SCAPER: variants seen among roughly 807,000 people sequenced by gnomAD.
The protein encoded by SCAPER is S phase cyclin A-associated protein in the endoplasmic reticulum.
A neutral mutation model predicts 182.2 loss-of-function variants in SCAPER; 98 were observed. That is an observed-to-expected ratio of 0.54 (90% confidence interval 0.46 to 0.64). SCAPER has a LOEUF of 0.64. Ranked by LOEUF, SCAPER falls within the 30% of genes least tolerant of loss-of-function variation. SCAPER has a pLI of 0.00. For synonymous variants in SCAPER, 605 were observed against 564.6 expected, an observed-to-expected ratio of 1.07 and a Z score of -1.01; for missense variants, 1,432 against 1,690.0, an observed-to-expected ratio of 0.85 and a Z score of 2.68.
chr15:76,438,843 A>C (rs1252142627), intron 25 of SCAPER, among the ~76,000 whole-genome samples: 1 of 152,094 alleles, frequency 6.6e-6, no homozygotes, highest in East Asian at 1.9e-4. Flanking sequence ...TGGCCCTTTC[A>C]TTGTTAAAAA....
chr15:76,456,421 G>A (rs1173167287), intron 25 of SCAPER, among the ~76,000 whole-genome samples: 1 of 152,036 alleles, frequency 6.6e-6, no homozygotes, highest in Admixed American at 6.5e-5. Flanking sequence ...ACATAATATT[G>A]AGTTCTAACT....
At chr15:76,710,666 G>C (rs2059512891) in intron 17 of SCAPER, among the ~76,000 whole-genome samples, 1 of 152,102 alleles carries the variant, frequency 6.6e-6, no homozygotes, top group African/African-American at 2.4e-5. Flanking sequence ...TTCATGGATT[G>C]TAATATAAAA....
intron 23 of SCAPER, among the ~76,000 whole-genome samples, chr15:76,538,330 T>G (rs1300740951): frequency 6.7e-6 from 1 of 148,848 alleles, no homozygotes; most frequent in Non-Finnish European, 1.5e-5. Flanking sequence ...TGTCCAACAA[T>G]GATAGACTGG....
chr15:76,714,525 A>AGTAGTAGTG (rs1201345627), intron 17 of SCAPER, among the ~76,000 whole-genome samples: 12 of 137,692 alleles, frequency 8.7e-5, no homozygotes, highest in African/African-American at 3.0e-4. Flanking sequence ...CCATTCTAGT[A>AGTAGTAGTG]GTAGTAGTGG....
intron 25 of SCAPER, among the ~76,000 whole-genome samples, chr15:76,457,860 G>A (rs924124777): frequency 3.3e-5 from 5 of 151,814 alleles, no homozygotes; most frequent in Non-Finnish European, 7.4e-5. Context: ...TGTTTCCACT[G>A]CTCTTTATCA....
At chr15:76,638,119 T>C (rs1485055877) in intron 21 of SCAPER, among the ~76,000 whole-genome samples, 1 of 152,144 alleles carries the variant, frequency 6.6e-6, no homozygotes, top group Non-Finnish European at 1.5e-5. Flanking sequence ...CTTGATGGGA[T>C]CTTTTGAAGC....
chr15:76,494,039 T>G (rs2143457624), intron 24 of SCAPER, among the ~76,000 whole-genome samples: 1 of 152,336 alleles, frequency 6.6e-6, no homozygotes, highest in East Asian at 1.9e-4. Context: ...AAATAAGTGT[T>G]TATTAACAAT....
At chr15:76,384,791 T>A (rs909960944) in intron 27 of SCAPER, among the ~76,000 whole-genome samples, 4 of 152,226 alleles carry the variant, frequency 2.6e-5, no homozygotes, top group Non-Finnish European at 5.9e-5. Flanking sequence ...AGAGAATGTT[T>A]ACTTTTGATT....
intron 14 of SCAPER, 121 bp from the exon 15 acceptor site, chr15:76,754,069 G>T: frequency 9.4e-7 from 1 of 1,061,500 alleles, no homozygotes; most frequent in Non-Finnish European, 1.4e-6. Context: ...GCAGCAACAT[G>T]ACTAACAATT....
chr15:76,624,918 A>AC (rs2052428147), intron 21 of SCAPER, among the ~76,000 whole-genome samples: 1 of 151,772 alleles, frequency 6.6e-6, no homozygotes, highest in Non-Finnish European at 1.5e-5. Context: ...GGCAGGAATA[A>AC]CCTCTGGATC....
At chr15:76,428,866 C>CCATATATATATATATATATA (rs1555432006) in intron 26 of SCAPER, among the ~76,000 whole-genome samples, 17 of 79,912 alleles carry the variant, frequency 2.1e-4, no homozygotes, top group African/African-American at 8.2e-4. Context: ...GATCATTATA[C>CCATATATATATATATATATA]TATATATATA....
intron 18 of SCAPER, among the ~76,000 whole-genome samples, chr15:76,704,994 C>T (rs2059170273): frequency 6.6e-6 from 1 of 152,164 alleles, no homozygotes; most frequent in African/African-American, 2.4e-5. Flanking sequence ...GTGGCGATTC[C>T]TCAGGGATCT....
chr15:76,631,593 A>G (rs1057144800), intron 21 of SCAPER, among the ~76,000 whole-genome samples: 4 of 152,162 alleles, frequency 2.6e-5, no homozygotes, highest in African/African-American at 9.7e-5. Context: ...GATTTTCTTT[A>G]AGAATGATGA....
In SCAPER at chr15:76,773,466, T is replaced by C. The variant is rs369002138; in HGVS notation, c.1035+1389A>G. Among the ~76,000 whole-genome samples, 27 of 152,070 alleles carry C rather than the reference T, an allele frequency of 1.8e-4. 1 individual carries two copies. In the East Asian group the frequency reaches 2.3e-3, roughly 13 times the overall value. The stretch of plus-strand genomic sequence containing the variant: ...AAAAATGCTAGCTGTTGGTTAAGTA[T>C]TATAAAAAGTAGTTTATTCACTAAG... On this transcript the variant is annotated intron_variant, in intron 9 of 31. Transcript: ENST00000563290.
At chr15:76,798,858 A>G (rs1269059498) in intron 7 of SCAPER, among the ~76,000 whole-genome samples, 1 of 152,212 alleles carries the variant, frequency 6.6e-6, no homozygotes, top group Non-Finnish European at 1.5e-5. Context: ...TCTGTTCCTA[A>G]CAGACCTGTC....
chr15:76,694,519 T>C (rs144106713), intron 20 of SCAPER, among the ~76,000 whole-genome samples: 6 of 152,228 alleles, frequency 3.9e-5, no homozygotes, highest in Non-Finnish European at 8.8e-5. Flanking sequence ...CTGTAAACTA[T>C]ACCTCAATAA....
chr15:76,706,960 A>G (rs1159685919), intron 17 of SCAPER, among the ~76,000 whole-genome samples: 1 of 152,108 alleles, frequency 6.6e-6, no homozygotes, highest in Non-Finnish European at 1.5e-5. Context: ...AAATAATTAT[A>G]AGACTATTGT....
chr15:76,708,071 C>A (rs954576999), intron 17 of SCAPER, among the ~76,000 whole-genome samples: 3 of 152,018 alleles, frequency 2.0e-5, no homozygotes, highest in Non-Finnish European at 4.4e-5. Context: ...GGACACCCCC[C>A]CACCATACCA....
intron 22 of SCAPER, among the ~76,000 whole-genome samples, chr15:76,580,430 T>C (rs1330962614): frequency 6.6e-6 from 1 of 152,164 alleles, no homozygotes; most frequent in East Asian, 1.9e-4. Flanking sequence ...AGTGGGTTAA[T>C]GAAGAAGTTG....
Sources: allele counts gnomAD v4.1 joint callset (sites outside exome capture counted in the v4.1 genomes callset), GRCh38; gene constraint gnomAD v4.1.1; transcripts MANE v1.5; gene names NCBI Gene and HGNC (gene_info 2026-07-23, HGNC 2026-07-21).